CELF5: variants seen among roughly 807,000 people sequenced by gnomAD.
CELF5 encodes CUG-BP and ETR-3 like factor 5.
In CELF5, 6 loss-of-function variants were observed where a neutral mutation model predicts 54.9. The ratio of observed to expected loss-of-function variants is 0.11; its 90% CI spans 0.06 to 0.22. CELF5 has a LOEUF of 0.22. Ranked by LOEUF, CELF5 falls within the 10% of genes least tolerant of loss-of-function variation. The pLI is 1.00. For synonymous variants in CELF5, 271 were observed against 290.9 expected, an observed-to-expected ratio of 0.93 and a Z score of 0.70; for missense variants, 401 against 678.6, an observed-to-expected ratio of 0.59 and a Z score of 4.54.
intron 2 of CELF5, among the ~76,000 whole-genome samples, chr19:3,261,691 T>C (rs2079808670): frequency 6.6e-6 from 1 of 151,852 alleles, no homozygotes; most frequent in East Asian, 1.9e-4. Context: ...CATGGTGGCA[T>C]GTACCTGTAG....
chr19:3,250,881 A>G, intron 1 of CELF5, 104 bp from the exon 2 acceptor site: 8 of 546,980 alleles, frequency 1.5e-5, no homozygotes, highest in South Asian at 3.0e-5. Context: ...GCATCTGTGG[A>G]TGGAAGCTTG....
intron 2 of CELF5, among the ~76,000 whole-genome samples, chr19:3,253,476 T>C (rs2079678593): frequency 6.6e-6 from 1 of 152,190 alleles, no homozygotes; most frequent in Non-Finnish European, 1.5e-5. Flanking sequence ...ACAGTGCTGC[T>C]TGAGCTTCCT....
intron 1 of CELF5, among the ~76,000 whole-genome samples, chr19:3,240,803 G>A (rs936027811): frequency 1.3e-5 from 2 of 151,876 alleles, no homozygotes; most frequent in Non-Finnish European, 2.9e-5. Context: ...GGTGTGGAGG[G>A]GACAGGAGTG....
chr19:3,267,394 C>T (rs974967684), intron 2 of CELF5, among the ~76,000 whole-genome samples: 8 of 152,214 alleles, frequency 5.3e-5, no homozygotes, highest in African/African-American at 1.9e-4. Context: ...ATAACAGAAT[C>T]CCAGAATAGA....
intron 10 of CELF5, among the ~76,000 whole-genome samples, chr19:3,287,822 A>G (rs775378983): frequency 3.3e-5 from 5 of 151,408 alleles, no homozygotes; most frequent in Non-Finnish European, 7.4e-5. Context: ...AAAGATGGGA[A>G]CGTAGTAGAA....
intron 1 of CELF5, among the ~76,000 whole-genome samples, chr19:3,246,549 G>A (rs931595135): frequency 2.0e-5 from 3 of 150,800 alleles, no homozygotes; most frequent in South Asian, 2.1e-4. Flanking sequence ...AATAATAATA[G>A]TAATAATAAT....
chr19:3,239,292 G>A (rs1259308358), intron 1 of CELF5, among the ~76,000 whole-genome samples: 1 of 151,764 alleles, frequency 6.6e-6, no homozygotes, highest in Admixed American at 6.6e-5. Context: ...TAGAGACAAA[G>A]TCTCACTACA....
In CELF5 at chr19:3,281,386, T is replaced by A; in HGVS notation, c.750+41T>A. On this transcript the variant is annotated intron_variant, in intron 6 of 12. Coordinates refer to ENST00000292672, the MANE Select transcript of CELF5 (RefSeq NM_021938.4). This position sits in a 1 kb window ranked among gnomAD's most constrained non-coding sequence, Gnocchi z 6.5. ...ACAGCTTCGGGGCTCCGGCTCCGTC[T>A]CTCTCAGTCTCTGTCTACTCTCTGT... 5.7e-6 allele frequency: 9 copies of A among 1,571,038 alleles called. No individual in the cohort carries two copies. Among genetic ancestry groups the A allele is most frequent in the Non-Finnish European group, 7.8e-6 (9 of 1,156,554 alleles).
At chr19:3,279,806 G>C (rs1260112379) in intron 5 of CELF5, among the ~76,000 whole-genome samples, 2 of 152,148 alleles carry the variant, frequency 1.3e-5, no homozygotes, top group African/African-American at 4.8e-5. Context: ...GAGTTCAAGC[G>C]ATTCTTCTGC....
In CELF5 at chr19:3,283,538, C is replaced by T. The variant is rs935406074; in HGVS notation, c.1039+1040C>T. Among the ~76,000 whole-genome samples the T allele has an allele frequency of 3.9e-5, 6 of 151,942 alleles. No individual in the cohort carries two copies. The East Asian group carries it at 5.8e-4, about 15-fold the overall frequency. On this transcript the variant is annotated intron_variant, in intron 8 of 12. Transcript: ENST00000292672. The stretch of plus-strand genomic sequence containing the variant: ...GCTAATTTTTAAATTTTTGTACAGA[C>T]GGGATCTTGCTGTGTTGCCCAGGCT...
At chr19:3,285,677 T>C (rs56832171) in intron 9 of CELF5, among the ~76,000 whole-genome samples, 12 of 48,544 alleles carry the variant, frequency 2.5e-4, no homozygotes, top group Non-Finnish European at 2.9e-4. Context: ...CCACCCCCCC[T>C]TCCCCGCCCC....
chr19:3,282,600 G>A lies in CELF5; in HGVS notation c.1039+102G>A, dbSNP rs1258203920. ...CCTACATCACAGTGCCCAGGGAACA[G>A]AAGGGCAGGAAAAAGGGTGTCTCCG... On this transcript the variant is annotated intron_variant, in intron 8 of 12. Transcript: ENST00000292672. The surrounding 1 kb of genome is among the most constrained non-coding windows in gnomAD (Gnocchi z 5.2). 1.5e-6 allele frequency: 2 copies of A among 1,344,906 alleles called. No individual in the cohort carries two copies. Among genetic ancestry groups the A allele is most frequent in the Admixed American group, 2.3e-5 (1 of 44,312 alleles). 83.3% of individuals were successfully genotyped at this position (1,344,906 alleles called of 1,614,324 possible).
chr19:3,258,297 T>G (rs1350379535), intron 2 of CELF5, among the ~76,000 whole-genome samples: 2 of 151,968 alleles, frequency 1.3e-5, no homozygotes, highest in Non-Finnish European at 2.9e-5. Flanking sequence ...TTAATTTTTT[T>G]TTTTGTAGAG....
intron 2 of CELF5, among the ~76,000 whole-genome samples, chr19:3,261,769 T>C (rs1272051737): frequency 1.3e-5 from 2 of 151,786 alleles, no homozygotes; most frequent in East Asian, 3.9e-4. Context: ...TATAGTGAGC[T>C]AGGATTGCAC....
At chr19:3,290,501 G>A (rs1029715157) in intron 11 of CELF5, 127 bp downstream of exon 11, 3 of 1,028,068 alleles carry the variant, frequency 2.9e-6, no homozygotes, top group Non-Finnish European at 2.9e-6. Context: ...GAACCAGCCT[G>A]TGGCCGGGCA....
At chr19:3,266,965 C>G (rs533767266) in intron 2 of CELF5, among the ~76,000 whole-genome samples, 2 of 152,182 alleles carry the variant, frequency 1.3e-5, no homozygotes, top group African/African-American at 2.4e-5. Context: ...CACGCCCGCA[C>G]GAGCACAGCC....
intron 4 of CELF5, among the ~76,000 whole-genome samples, chr19:3,277,316 T>C (rs2080072225): frequency 6.6e-6 from 1 of 151,950 alleles, no homozygotes; most frequent in East Asian, 1.9e-4. Flanking sequence ...CTACAAAAAA[T>C]ACAAAAATTA....
intron 1 of CELF5, among the ~76,000 whole-genome samples, chr19:3,239,966 T>C (rs1295576784): frequency 6.7e-6 from 1 of 149,848 alleles, no homozygotes; most frequent in Non-Finnish European, 1.5e-5. Context: ...TGTTTCACCC[T>C]CATCTGTCCC....
chr19:3,263,784 G>A lies in CELF5; in HGVS notation c.343-10088G>A, dbSNP rs569854474. ...GCCGGGCGTGGTGGTGGGCACCTGT[G>A]ATTCCAGCTACTCAGGAGGCTGAAG... is the stretch of plus-strand genomic sequence containing the variant. On this transcript the variant is annotated intron_variant, in intron 2 of 12. Coordinates refer to ENST00000292672, the MANE Select transcript of CELF5 (RefSeq NM_021938.4). Among the ~76,000 whole-genome samples the A allele has an allele frequency of 4.4e-4, 65 of 148,654 alleles. No individual in the cohort carries two copies. The East Asian group carries it at 0.012, about 27-fold the overall frequency.
Sources: gnomAD v4.1 joint callset for allele counts (sites outside exome capture counted in the v4.1 genomes callset) on GRCh38, gnomAD v4.1.1 for gene constraint, Gnocchi (gnomAD v3.1) non-coding constraint, MANE v1.5 for transcripts, NCBI Gene and HGNC (gene_info 2026-07-23, HGNC 2026-07-21) for gene names.